Variants in CLTRN observed in about 807,000 individuals in gnomAD.
CLTRN encodes the protein collectrin, amino acid transport regulator.
A neutral mutation model predicts 14.5 loss-of-function variants in CLTRN; 12 were observed. That is an observed-to-expected ratio of 0.83 (90% CI 0.53 to 1.34). The LOEUF is 1.34. Among genes scored for constraint, CLTRN ranks in the 40% most tolerant of loss-of-function variants. The probability of loss-of-function intolerance (pLI) is 0.00; values close to 1 mark genes in which losing one functional copy is unlikely to be tolerated. For missense variants in CLTRN, 154 were observed against 165.1 expected, an observed-to-expected ratio of 0.93 and a Z score of 0.37; for synonymous variants, 58 against 56.5, an observed-to-expected ratio of 1.03 and a Z score of -0.12.
intron 5 of CLTRN, among the ~76,000 whole-genome samples, chrX:15,630,363 A>AGAAG (rs67681066): frequency 0.038 from 2,068 of 54,571 alleles, 43 homozygotes; most frequent in Middle Eastern, 0.08. Context: ...ACCACAAGAA[A>AGAAG]GAAGGAAGGA....
intron 3 of CLTRN, among the ~76,000 whole-genome samples, chrX:15,651,158 C>A (rs1929204611): frequency 9.0e-6 from 1 of 111,413 alleles, no homozygotes; most frequent in South Asian, 3.8e-4. Flanking sequence ...GTCCACTGCA[C>A]CTCAATAGAC....
At chrX:15,643,250 C>T (rs1386204615) in intron 4 of CLTRN, among the ~76,000 whole-genome samples, 1 of 112,029 alleles carries the variant, frequency 8.9e-6, no homozygotes, top group Non-Finnish European at 1.9e-5. Context: ...CTTGAAATTC[C>T]TATTATTTGC....
At chrX:15,654,953 T>G (rs1929313367) in intron 3 of CLTRN, among the ~76,000 whole-genome samples, 1 of 112,481 alleles carries the variant, frequency 8.9e-6, no homozygotes, top group African/African-American at 3.2e-5. Context: ...CTTTGGGCAC[T>G]CTGTCAGCTC....
intron 3 of CLTRN, among the ~76,000 whole-genome samples, chrX:15,657,541 G>C (rs184716121): frequency 7.3e-4 from 82 of 112,317 alleles, no homozygotes; most frequent in African/African-American, 2.6e-3. Context: ...ACACAGCAAT[G>C]TATAAAACTT....
intron 4 of CLTRN, among the ~76,000 whole-genome samples, chrX:15,640,206 G>GC (rs747804231): frequency 8.9e-6 from 1 of 112,115 alleles, no homozygotes; most frequent in Non-Finnish European, 1.9e-5. Flanking sequence ...CATTGCCATG[G>GC]CAACACCTGG....
At chrX:15,661,586 G>A (rs1252713841) in intron 2 of CLTRN, among the ~76,000 whole-genome samples, 1 of 112,284 alleles carries the variant, frequency 8.9e-6, no homozygotes, top group Non-Finnish European at 1.9e-5. Context: ...AAGGAATTGA[G>A]CACATATATT....
At chrX:15,655,370 C>T (rs1160798754) in intron 3 of CLTRN, among the ~76,000 whole-genome samples, 1 of 112,153 alleles carries the variant, frequency 8.9e-6, no homozygotes, top group Non-Finnish European at 1.9e-5. Context: ...GTGGGGCCTT[C>T]AAGGGCCCCT....
intron 2 of CLTRN, among the ~76,000 whole-genome samples, chrX:15,662,515 A>C (rs1330740302): frequency 9.0e-6 from 1 of 111,389 alleles, no homozygotes; most frequent in Non-Finnish European, 1.9e-5. Context: ...AGACTTTCTC[A>C]TTAAAGCCAT....
intron 2 of CLTRN, 109 bp from the exon 3 acceptor site, chrX:15,659,210 A>ACG: frequency 3.2e-6 from 1 of 309,350 alleles, no homozygotes; most frequent in Non-Finnish European, 6.1e-6. Context: ...ACACACACAC[A>ACG]CACGCACACA....
At chrX:15,657,695 A>G (rs1242324783) in intron 3 of CLTRN, among the ~76,000 whole-genome samples, 1 of 111,170 alleles carries the variant, frequency 9.0e-6, no homozygotes, top group African/African-American at 3.3e-5. Flanking sequence ...GAAAAAAGTT[A>G]TTATAAATAG....
intron 5 of CLTRN, among the ~76,000 whole-genome samples, chrX:15,629,107 T>C (rs1272438551): frequency 8.9e-6 from 1 of 111,928 alleles, no homozygotes; most frequent in Non-Finnish European, 1.9e-5. Context: ...CACCACTCCA[T>C]GGTGACACCA....
At chrX:15,631,481 G>C (rs1014472304) in intron 5 of CLTRN, among the ~76,000 whole-genome samples, 6 of 111,954 alleles carry the variant, frequency 5.4e-5, no homozygotes, top group Non-Finnish European at 1.1e-4. Flanking sequence ...ATAACAAAGA[G>C]CTAGACGTAT....
intron 2 of CLTRN, among the ~76,000 whole-genome samples, chrX:15,660,613 G>A (rs1244343914): frequency 9.3e-6 from 1 of 107,269 alleles, no homozygotes; most frequent in Non-Finnish European, 1.9e-5. Flanking sequence ...AGACTAGCCT[G>A]GGCAACATAG....
At chrX:15,640,445 A>G (rs951182302) in intron 4 of CLTRN, among the ~76,000 whole-genome samples, 8 of 112,906 alleles carry the variant, frequency 7.1e-5, no homozygotes, top group Non-Finnish European at 1.1e-4. Flanking sequence ...CCTCTTCAGT[A>G]AAGTTGTTTT....
intron 3 of CLTRN, chrX:15,646,796 C>A (rs368175333): frequency 5.0e-4 from 165 of 332,636 alleles, no homozygotes; most frequent in African/African-American, 3.1e-3. Context: ...CCGCCGCCAC[C>A]CCCCCACCAG....
Position 15,639,815 on chromosome X carries a change from C to A in CLTRN, c.318-59G>T, listed in dbSNP as rs1928899352. 20 of 997,753 alleles carry A rather than the reference C, an allele frequency of 2.0e-5. No individual in the cohort carries two copies. In the East Asian group the frequency reaches 6.2e-4, roughly 31 times the overall value. 82.2% of individuals were successfully genotyped at this position (997,753 alleles called of 1,213,427 possible). A position where few individuals can be genotyped will look rare whatever the true frequency, so the allele number is the denominator to read the frequency against. On this transcript the variant is annotated intron_variant, in intron 4 of 5. Transcript: ENST00000380342. ...TAAGACAGAAAAAAAACTATTAAGA[C>A]AAAGTACAAACCTGTTTCTCCATGA...
At chrX:15,649,214 C>A (rs1174666995) in intron 3 of CLTRN, among the ~76,000 whole-genome samples, 1 of 111,722 alleles carries the variant, frequency 9.0e-6, no homozygotes, top group Non-Finnish European at 1.9e-5. Context: ...ACTCCATCAA[C>A]ACAACTATGG....
At chrX:15,667,842 C>A (rs1929651155), upstream of CLTRN, among the ~76,000 whole-genome samples, 1 of 111,735 alleles carries the variant, frequency 8.9e-6, no homozygotes. Context: ...CCTCAGCTCC[C>A]AGAGTAGAAA....
At chrX:15,637,277 T>C (rs1928839336) in intron 5 of CLTRN, among the ~76,000 whole-genome samples, 1 of 111,521 alleles carries the variant, frequency 9.0e-6, no homozygotes, top group Non-Finnish European at 1.9e-5. Context: ...GCAACTCCTA[T>C]CTTTTCCATG....
Sources: gnomAD v4.1 joint callset for allele counts (sites outside exome capture counted in the v4.1 genomes callset) on GRCh38, gnomAD v4.1.1 for gene constraint, MANE v1.5 for transcripts, NCBI Gene and HGNC (gene_info 2026-07-23, HGNC 2026-07-21) for gene names.